The following DISP1 variants were observed in gnomAD, a reference collection of about 807,000 sequenced individuals.
DISP1 encodes protein dispatched homolog 1.
A neutral mutation model predicts 37.3 loss-of-function variants in DISP1; 30 were observed. The observed-to-expected ratio is 0.80, with a 90% CI of 0.60 to 1.09. The LOEUF is 1.09. Among genes scored for constraint, DISP1 ranks in the 50% least tolerant of loss-of-function variants. The probability of loss-of-function intolerance (pLI) is 0.00; values close to 1 mark genes in which losing one functional copy is unlikely to be tolerated. For synonymous variants in DISP1, 634 were observed against 690.2 expected, an observed-to-expected ratio of 0.92 and a Z score of 1.28; for missense variants, 1,598 against 1,879.5, an observed-to-expected ratio of 0.85 and a Z score of 2.77.
intron 1 of DISP1, among the ~76,000 whole-genome samples, chr1:222,858,767 C>G (rs1198532661): frequency 2.6e-5 from 4 of 152,138 alleles, no homozygotes; most frequent in African/African-American, 7.2e-5. Context: ...GAATGCAAAT[C>G]AAAACCACAA....
chr1:222,836,753 A>T (rs1667151228), intron 1 of DISP1, among the ~76,000 whole-genome samples: 1 of 147,716 alleles, frequency 6.8e-6, no homozygotes, highest in African/African-American at 2.6e-5. Flanking sequence ...ATATATATAT[A>T]TATATATATA....
intron 1 of DISP1, among the ~76,000 whole-genome samples, chr1:222,903,557 A>T (rs980761863): frequency 1.3e-5 from 2 of 151,970 alleles, no homozygotes; most frequent in Admixed American, 1.3e-4. Flanking sequence ...ATAACTTGGG[A>T]TATCTGTTTT....
intron 1 of DISP1, among the ~76,000 whole-genome samples, chr1:222,832,878 A>G (rs1043765987): frequency 6.6e-6 from 1 of 151,652 alleles, no homozygotes; most frequent in African/African-American, 2.4e-5. Flanking sequence ...CTTTTGTGAC[A>G]GAGTGAAACT....
intron 1 of DISP1, among the ~76,000 whole-genome samples, chr1:222,915,301 A>T (rs1672435167): frequency 1.3e-5 from 2 of 152,238 alleles, no homozygotes; most frequent in Non-Finnish European, 2.9e-5. Flanking sequence ...TTGACGCTTG[A>T]TGCTGGATTT....
chr1:222,823,200 A>G (rs1311219976), intron 1 of DISP1, among the ~76,000 whole-genome samples: 1 of 152,214 alleles, frequency 6.6e-6, no homozygotes, highest in Non-Finnish European at 1.5e-5. Context: ...AGGAAAATTA[A>G]TCATTATATC....
chr1:222,984,772 C>T (rs1678150741), intron 4 of DISP1, among the ~76,000 whole-genome samples: 1 of 151,914 alleles, frequency 6.6e-6, no homozygotes, highest in Non-Finnish European at 1.5e-5. Flanking sequence ...ATTCTGTACC[C>T]ATTATACATT....
At chr1:222,952,785 T>G (rs974252805) in intron 3 of DISP1, among the ~76,000 whole-genome samples, 2 of 152,084 alleles carry the variant, frequency 1.3e-5, no homozygotes, top group Non-Finnish European at 2.9e-5. Context: ...GGGCGGTGGT[T>G]GCAGTGAGCC....
intron 1 of DISP1, among the ~76,000 whole-genome samples, chr1:222,826,282 A>C (rs1223052184): frequency 6.6e-6 from 1 of 150,886 alleles, no homozygotes; most frequent in Admixed American, 6.6e-5. Context: ...GTAGTGTAGA[A>C]ATATTCCATT....
chr1:222,966,782 CACTTTA>C, intron 3 of DISP1, among the ~76,000 whole-genome samples: 1 of 152,016 alleles, frequency 6.6e-6, no homozygotes, highest in East Asian at 1.9e-4. Context: ...TCAAACTCTA[CACTTTA>C]ACTTAGTGCC....
At chr1:222,987,473 G>A (rs1280405193) in intron 4 of DISP1, among the ~76,000 whole-genome samples, 4 of 152,298 alleles carry the variant, frequency 2.6e-5, no homozygotes, top group Middle Eastern at 3.4e-3. Flanking sequence ...GAGGTTAAAC[G>A]TGTTTGGAAG....
rs1246547595 is a variant in DISP1 at position 223,005,469 on chromosome 1, C to T, written c.4072C>T (p.His1358Tyr). 2 of 1,613,582 alleles carry T rather than the reference C, an allele frequency of 1.2e-6. No homozygotes were observed. Among genetic ancestry groups the T allele is most frequent in the Non-Finnish European group, 1.7e-6 (2 of 1,180,000 alleles). ...QNSLPRNFFL[H>Y]PVQHIQAQEK... The stretch of plus-strand genomic sequence containing the variant: ...TTCTCTGCCTAGGAATTTTTTCCTC[C>T]ACCCAGTGCAGCACATTCAGGCCCA... The change falls in exon 9 of 9, where the codon CAC becomes TAC. Residue 1358 changes from histidine to tyrosine, a missense_variant. Physicochemically the swap from His to Tyr is moderately conservative, Grantham distance 83 (BLOSUM62 2). Coordinates refer to ENST00000675850, the MANE Select transcript of DISP1 (RefSeq NM_001377229.1).
chr1:222,971,309 T>TA (rs11411821), intron 3 of DISP1, among the ~76,000 whole-genome samples: 148,438 of 152,092 alleles, frequency 0.98, 72,524 homozygotes, highest in East Asian at 1. Context: ...TCCTGGCCTG[T>TA]AAATGAAGAT....
chr1:222,998,851 T>G (rs1417551213), intron 8 of DISP1, among the ~76,000 whole-genome samples: 1 of 152,088 alleles, frequency 6.6e-6, no homozygotes, highest in Non-Finnish European at 1.5e-5. Context: ...GCTTAGAAGA[T>G]CCCAGAAACA....
At chr1:222,909,572 A>C (rs1672097322) in intron 1 of DISP1, among the ~76,000 whole-genome samples, 1 of 152,200 alleles carries the variant, frequency 6.6e-6, no homozygotes, top group Non-Finnish European at 1.5e-5. Context: ...CTCCAGTGTC[A>C]AGGAGGAACA....
chr1:222,907,949 A>AAAAT (rs1398732899), intron 1 of DISP1, among the ~76,000 whole-genome samples: 1 of 152,192 alleles, frequency 6.6e-6, no homozygotes, highest in Non-Finnish European at 1.5e-5. Flanking sequence ...ACTCCATCTC[A>AAAAT]AAATAAATAA....
intron 3 of DISP1, among the ~76,000 whole-genome samples, chr1:222,962,069 A>G (rs142759524): frequency 6.0e-4 from 91 of 152,306 alleles, no homozygotes; most frequent in African/African-American, 2.1e-3. Flanking sequence ...TTAAACTGAT[A>G]AGCAACTTCA....
chr1:222,874,986 A>G (rs952828899), intron 1 of DISP1, among the ~76,000 whole-genome samples: 3 of 152,150 alleles, frequency 2.0e-5, no homozygotes, highest in Admixed American at 6.5e-5. Flanking sequence ...CTCTTAGTGA[A>G]AATTAGATAG....
chr1:222,868,125 A>G (rs777724656), intron 1 of DISP1, among the ~76,000 whole-genome samples: 2 of 152,104 alleles, frequency 1.3e-5, no homozygotes, highest in African/African-American at 2.4e-5. Context: ...GTGTTTGACT[A>G]TAGTCGCAGC....
intron 1 of DISP1, among the ~76,000 whole-genome samples, chr1:222,865,634 C>T (rs963875591): frequency 4.6e-5 from 7 of 152,124 alleles, no homozygotes; most frequent in African/African-American, 1.7e-4. Flanking sequence ...TAAGTGTAGA[C>T]ATTTAAAGGT....
Sources: allele counts gnomAD v4.1 joint callset (sites outside exome capture counted in the v4.1 genomes callset), GRCh38; gene constraint gnomAD v4.1.1; transcripts MANE v1.5; gene names NCBI Gene and HGNC (gene_info 2026-07-23, HGNC 2026-07-21).